Variants in ULK4 observed in about 807,000 individuals in gnomAD.
ULK4 encodes unc-51 like kinase 4.
ULK4 carries 133 observed loss-of-function variants against 160.6 expected under a neutral mutation model. The ratio of observed to expected loss-of-function variants is 0.83; its 90% CI spans 0.72 to 0.96. ULK4 has a LOEUF of 0.96. ULK4 is among the 40% of genes least tolerant of loss of function. The probability of loss-of-function intolerance (pLI) is 0.00; values close to 1 mark genes in which losing one functional copy is unlikely to be tolerated. For missense variants in ULK4, 1,580 were observed against 1,499.5 expected (o/e 1.05, Z -0.89); for synonymous variants, 534 against 539.8 (o/e 0.99, Z 0.15).
intron 35 of ULK4, among the ~76,000 whole-genome samples, chr3:41,317,137 G>A (rs551208042): frequency 3.0e-5 from 4 of 133,062 alleles, no homozygotes; most frequent in East Asian, 4.3e-4. Flanking sequence ...CTGCAGTGGC[G>A]CAATCTCGGC....
chr3:41,650,256 C>T (rs1197178831), intron 30 of ULK4, among the ~76,000 whole-genome samples: 2 of 152,210 alleles, frequency 1.3e-5, no homozygotes, highest in Admixed American at 6.5e-5. Context: ...CAGGACCCAC[C>T]AAATGCCAGG....
intron 30 of ULK4, among the ~76,000 whole-genome samples, chr3:41,647,274 T>A (rs2034539130): frequency 6.6e-6 from 1 of 152,194 alleles, no homozygotes; most frequent in Admixed American, 6.5e-5. Context: ...GCACTCTGCT[T>A]TTTAGAGTTT....
At chr3:41,699,819 T>C (rs1423701384) in intron 27 of ULK4, among the ~76,000 whole-genome samples, 2 of 152,214 alleles carry the variant, frequency 1.3e-5, no homozygotes, top group Non-Finnish European at 2.9e-5. Context: ...GTTATATCAT[T>C]AAAAAATATT....
chr3:41,941,328 G>A (rs1292450795), intron 2 of ULK4, among the ~76,000 whole-genome samples: 1 of 108,644 alleles, frequency 9.2e-6, no homozygotes, highest in Non-Finnish European at 1.8e-5. Context: ...ATGAGTCACT[G>A]TGCCCAGCTT....
chr3:41,673,428 T>C (rs1470713308), intron 29 of ULK4, among the ~76,000 whole-genome samples: 2 of 152,054 alleles, frequency 1.3e-5, no homozygotes, highest in Admixed American at 1.3e-4. Flanking sequence ...AAATTCCAGT[T>C]CCTAAAAGGA....
chr3:41,455,232 G>A (rs957982344), intron 34 of ULK4, among the ~76,000 whole-genome samples: 6 of 152,002 alleles, frequency 3.9e-5, no homozygotes, highest in African/African-American at 1.5e-4. Context: ...GAATTCATTT[G>A]TTGAATTTTT....
At chr3:41,599,222 T>C (rs905278941) in intron 31 of ULK4, among the ~76,000 whole-genome samples, 6 of 152,166 alleles carry the variant, frequency 3.9e-5, no homozygotes, top group African/African-American at 7.2e-5. Flanking sequence ...GTCAGCTGTT[T>C]AGGATGAGGA....
chr3:41,366,966 T>C (rs2125778524), intron 35 of ULK4, among the ~76,000 whole-genome samples: 1 of 152,384 alleles, frequency 6.6e-6, no homozygotes, highest in Non-Finnish European at 1.5e-5. Context: ...GTCACTTGAC[T>C]TCTGTCAGTG....
At chr3:41,420,766 T>G (rs373558736) in intron 34 of ULK4, among the ~76,000 whole-genome samples, 1 of 150,640 alleles carries the variant, frequency 6.6e-6, no homozygotes, top group East Asian at 2.0e-4. Context: ...ATTACAGGTG[T>G]GAGCCACCGT....
chr3:41,620,019 T>C (rs1323624068), intron 30 of ULK4, among the ~76,000 whole-genome samples: 1 of 151,950 alleles, frequency 6.6e-6, no homozygotes, highest in African/African-American at 2.4e-5. Context: ...CTAGAAGAAA[T>C]GGATAAATTC....
rs2036836687 is a variant in ULK4 at position 41,705,308 on chromosome 3, G to A, written c.2635-3C>T. ...GAGTCTACAGATTTAATATGACTCT[G>A]AAAAAAAATAAATTTTTAATAAATA... On this transcript the variant is annotated splice_region_variant and splice_polypyrimidine_tract_variant and intron_variant, in intron 25 of 36. Transcript: ENST00000301831. 1 of 1,600,816 alleles carries A rather than the reference G, an allele frequency of 6.2e-7. No individual in the cohort carries two copies. Among genetic ancestry groups the A allele is most frequent in the African/African-American group, 1.4e-5 (1 of 74,016 alleles).
At chr3:41,740,234 A>G (rs1200150263) in intron 22 of ULK4, among the ~76,000 whole-genome samples, 1 of 151,964 alleles carries the variant, frequency 6.6e-6, no homozygotes, top group Non-Finnish European at 1.5e-5. Flanking sequence ...TATCCAGAGT[A>G]AATATTTATT....
At chr3:41,424,672 A>G (rs1435394907) in intron 34 of ULK4, among the ~76,000 whole-genome samples, 1 of 152,152 alleles carries the variant, frequency 6.6e-6, no homozygotes, top group Non-Finnish European at 1.5e-5. Flanking sequence ...AAACTGAAGC[A>G]GCCCTATGGA....
chr3:41,692,113 G>C (rs1009853496), intron 27 of ULK4, among the ~76,000 whole-genome samples: 1 of 151,150 alleles, frequency 6.6e-6, no homozygotes, highest in Non-Finnish European at 1.5e-5. Context: ...CACCGCCCCC[G>C]GCTAATTTTT....
chr3:41,405,034 T>C lies in ULK4; in HGVS notation c.3493-6770A>G, dbSNP rs182953433. Among the ~76,000 whole-genome samples the C allele has an allele frequency of 5.9e-5, 9 of 152,328 alleles. No individual in the cohort carries two copies. The East Asian group carries it at 1.7e-3, about 29-fold the overall frequency. ...TTTGCAGGTTTGTTACCTGGGTATA[T>C]TGCATGACGCCAAGGTTTGGGGTAT... is the stretch of plus-strand genomic sequence containing the variant. On this transcript the variant is annotated intron_variant, in intron 34 of 36. Coordinates refer to ENST00000301831, the MANE Select transcript of ULK4 (RefSeq NM_017886.4).
rs141235602 is a variant in ULK4, at chr3:41,922,437, T to C, written c.542-2619A>G. The stretch of plus-strand genomic sequence containing the variant: ...AGGAGCTCAAGGTTACAGTGAGATA[T>C]GATCATGCCACTGCAAGACGAAGGA... On this transcript the variant is annotated intron_variant, in intron 5 of 36. Transcript: ENST00000301831. Among the ~76,000 whole-genome samples the C allele has an allele frequency of 8.0e-4, 122 of 152,000 alleles. 1 individual carries two copies. In the Middle Eastern group the frequency reaches 0.014, roughly 17 times the overall value.
chr3:41,923,125 A>C (rs1439741883), intron 5 of ULK4, among the ~76,000 whole-genome samples: 1 of 151,974 alleles, frequency 6.6e-6, no homozygotes, highest in Non-Finnish European at 1.5e-5. Flanking sequence ...CCGAGATCAC[A>C]CCATTGCACT....
chr3:41,382,817 T>C (rs2081697704), intron 35 of ULK4, among the ~76,000 whole-genome samples: 1 of 152,178 alleles, frequency 6.6e-6, no homozygotes, highest in Non-Finnish European at 1.5e-5. Context: ...GACACCAAAC[T>C]CTGGTTATTT....
At chr3:41,309,741 T>G (rs1358704133) in intron 35 of ULK4, among the ~76,000 whole-genome samples, 1 of 151,984 alleles carries the variant, frequency 6.6e-6, no homozygotes, top group Non-Finnish European at 1.5e-5. Flanking sequence ...AAAACACAGG[T>G]TTTATCAGTA....
Sources: allele counts gnomAD v4.1 joint callset (sites outside exome capture counted in the v4.1 genomes callset), GRCh38; gene constraint gnomAD v4.1.1; transcripts MANE v1.5; gene names NCBI Gene and HGNC (gene_info 2026-07-23, HGNC 2026-07-21).